DCAF7: variants seen among roughly 807,000 people sequenced by gnomAD.
DCAF7 encodes the protein DDB1 and CUL4 associated factor 7, also known as DDB1- and CUL4-associated factor 7.
DCAF7 carries 4 observed loss-of-function variants against 41.2 expected under a neutral mutation model. The observed-to-expected ratio is 0.10, with a 90% CI of 0.05 to 0.22. DCAF7 has a LOEUF of 0.22. DCAF7 is among the 10% of genes least tolerant of loss of function. The pLI, the probability that DCAF7 is intolerant of heterozygous loss-of-function variation, is 1.00. For missense variants in DCAF7, 131 were observed against 443.2 expected (o/e 0.30, Z 6.32); for synonymous variants, 143 against 164.2 (o/e 0.87, Z 0.99).
At chr17:63,581,346 T>C (rs1568104460) in intron 4 of DCAF7, among the ~76,000 whole-genome samples, 1 of 152,206 alleles carries the variant, frequency 6.6e-6, no homozygotes, top group Non-Finnish European at 1.5e-5. Flanking sequence ...CAGGGGCTGC[T>C]TATACAGAAG....
At chr17:63,577,313 T>C (rs1384749788) in intron 1 of DCAF7, among the ~76,000 whole-genome samples, 1 of 152,236 alleles carries the variant, frequency 6.6e-6, no homozygotes, top group East Asian at 1.9e-4. Context: ...GATACTGGTG[T>C]GTCTGAGACT....
At chr17:63,564,146 CACACACACACACACACATACACATATAT>C (rs1369289590) in intron 1 of DCAF7, among the ~76,000 whole-genome samples, 1 of 151,872 alleles carries the variant, frequency 6.6e-6, no homozygotes, top group Admixed American at 6.6e-5. Flanking sequence ...TACACACACA[CACACACACACACACACATACACATATAT>C]ACACACACAC....
intron 1 of DCAF7, among the ~76,000 whole-genome samples, chr17:63,569,126 A>C (rs796947654): frequency 2.6e-5 from 4 of 152,322 alleles, no homozygotes; most frequent in African/African-American, 9.6e-5. Flanking sequence ...CTGGGATGTT[A>C]CTAAACCTAA....
At chr17:63,576,972 AAAG>A (rs1568103077) in intron 1 of DCAF7, among the ~76,000 whole-genome samples, 1 of 152,254 alleles carries the variant, frequency 6.6e-6, no homozygotes, top group East Asian at 1.9e-4. Context: ...AGCAGTAAGA[AAAG>A]AAGCAACTAC....
chr17:63,569,016 G>A (rs2033476081), intron 1 of DCAF7, among the ~76,000 whole-genome samples: 1 of 152,160 alleles, frequency 6.6e-6, no homozygotes, highest in South Asian at 2.1e-4. Flanking sequence ...TGTCAATCTA[G>A]CACATTAATT....
Position 63,593,809 on chromosome 17 carries a change from T to A in DCAF7, c.*4637T>A, listed in dbSNP as rs936083156. ...TGTAGCATGATTGTATAAACCTCTA[T>A]GTAGAAAATGGAGATTTCTTGCTCT... On this transcript the variant is annotated 3_prime_UTR_variant, in exon 7 of 7. Coordinates refer to ENST00000614556, the MANE Select transcript of DCAF7 (RefSeq NM_005828.5). 1 of 152,676 alleles carries A rather than the reference T, an allele frequency of 6.5e-6. No homozygotes were observed. Among genetic ancestry groups the A allele is most frequent in the East Asian group, 1.9e-4 (1 of 5,198 alleles). The allele number at this position is 152,676 out of a possible 1,614,324, so 9.5% of individuals were successfully genotyped here. A position where few individuals can be genotyped will look rare whatever the true frequency, so the allele number is the denominator to read the frequency against.
In DCAF7 at chr17:63,591,182, G is replaced by A. The variant is rs1038733460; in HGVS notation, c.*2010G>A. On this transcript the variant is annotated 3_prime_UTR_variant, in exon 7 of 7. Transcript: ENST00000614556. Reference sequence around the variant, plus strand: ...CAAGCTGATGGCTGCTTGTTTAGGAGGCCATCAGTTCCTTCCTGTGGAGAA... The same window carrying A: ...CAAGCTGATGGCTGCTTGTTTAGGAAGCCATCAGTTCCTTCCTGTGGAGAA... 6.6e-6 allele frequency: 1 copy of A among 152,080 alleles called. No individual in the cohort carries two copies. The highest frequency in any genetic ancestry group is 2.4e-5 in the African/African-American group (1 of 41,398). 9.4% of individuals were successfully genotyped at this position (152,080 alleles called of 1,614,324 possible).
At chr17:63,556,849 G>A (rs924413799) in intron 1 of DCAF7, among the ~76,000 whole-genome samples, 1 of 152,140 alleles carries the variant, frequency 6.6e-6, no homozygotes, top group Non-Finnish European at 1.5e-5. Flanking sequence ...GGGTGACAGA[G>A]TGAAACTCCA....
chr17:63,552,302 A>T (rs190460475), intron 1 of DCAF7: 12 of 152,284 alleles, frequency 7.9e-5, no homozygotes, highest in Admixed American at 3.9e-4. Flanking sequence ...TCAGGAGCAC[A>T]TTTGTTTCTC....
chr17:63,573,753 A>G (rs73994315), intron 1 of DCAF7, among the ~76,000 whole-genome samples: 3,482 of 152,002 alleles, frequency 0.023, 116 homozygotes, highest in African/African-American at 0.079. Context: ...AAAATTATGC[A>G]AAGGTGAGAA....
intron 1 of DCAF7, among the ~76,000 whole-genome samples, chr17:63,568,612 C>G (rs2147767783): frequency 6.6e-6 from 1 of 152,204 alleles, no homozygotes; most frequent in Middle Eastern, 3.4e-3. Context: ...TTGTTATTTT[C>G]TTGGCTTGAT....
intron 1 of DCAF7, among the ~76,000 whole-genome samples, chr17:63,575,878 A>G (rs1384674533): frequency 6.6e-6 from 1 of 152,244 alleles, no homozygotes; most frequent in Non-Finnish European, 1.5e-5. Context: ...TGGAAAAGCA[A>G]AAGTAGAGAA....
intron 1 of DCAF7, among the ~76,000 whole-genome samples, chr17:63,555,781 A>T (rs1432430409): frequency 1.3e-5 from 2 of 152,240 alleles, no homozygotes; most frequent in African/African-American, 4.8e-5. Context: ...GATAAAAGTG[A>T]TAATGCTTTA....
chr17:63,583,450 G>A (rs1408427269), intron 4 of DCAF7, 52 bp from the exon 5 acceptor site: 5 of 1,519,520 alleles, frequency 3.3e-6, no homozygotes, highest in Non-Finnish European at 3.6e-6. Flanking sequence ...CCTCCTATAG[G>A]AAGAAGAGGT....
At chr17:63,561,759 T>C (rs1037567949) in intron 1 of DCAF7, among the ~76,000 whole-genome samples, 3 of 152,114 alleles carry the variant, frequency 2.0e-5, no homozygotes, top group Non-Finnish European at 4.4e-5. Flanking sequence ...GAGCTTTGCA[T>C]TCAACGGAAA....
chr17:63,562,279 G>A (rs1308899672), intron 1 of DCAF7, among the ~76,000 whole-genome samples: 3 of 152,070 alleles, frequency 2.0e-5, no homozygotes, highest in Non-Finnish European at 4.4e-5. Flanking sequence ...CACAGTGTAT[G>A]ATGAAAACTA....
intron 1 of DCAF7, among the ~76,000 whole-genome samples, chr17:63,560,565 A>G (rs1286986266): frequency 6.6e-6 from 1 of 152,180 alleles, no homozygotes; most frequent in Non-Finnish European, 1.5e-5. Flanking sequence ...ATACATATGT[A>G]CACCCATATG....
At chr17:63,588,572 T>C (rs567338285) in intron 6 of DCAF7, among the ~76,000 whole-genome samples, 13 of 151,136 alleles carry the variant, frequency 8.6e-5, no homozygotes, top group African/African-American at 2.2e-4. Flanking sequence ...GAAGCATAAA[T>C]GTCCATCAAA....
At chr17:63,563,776 C>G (rs2033408795) in intron 1 of DCAF7, among the ~76,000 whole-genome samples, 1 of 151,958 alleles carries the variant, frequency 6.6e-6, no homozygotes, top group African/African-American at 2.4e-5. Flanking sequence ...GATCGTGCCA[C>G]TGCACTCCAG....
Sources: allele counts gnomAD v4.1 joint callset (sites outside exome capture counted in the v4.1 genomes callset), GRCh38; gene constraint gnomAD v4.1.1; transcripts MANE v1.5; gene names NCBI Gene and HGNC (gene_info 2026-07-23, HGNC 2026-07-21).